AK8: variants seen among roughly 807,000 people sequenced by gnomAD.
AK8 encodes ATP-AMP transphosphorylase 8.
Under a neutral mutation model 54.6 loss-of-function variants are expected in AK8, and 44 were observed. That is an observed-to-expected ratio of 0.81 (90% confidence interval 0.63 to 1.04). The LOEUF is 1.04. Among genes scored for constraint, AK8 ranks in the 50% least tolerant of loss-of-function variants. The probability of loss-of-function intolerance (pLI) is 0.00; values close to 1 mark genes in which losing one functional copy is unlikely to be tolerated. For synonymous variants in AK8, 239 were observed against 245.6 expected (o/e 0.97, Z 0.25); for missense variants, 555 against 613.6 (o/e 0.90, Z 1.01).
chr9:132,850,696 CCA>C (rs1842940139), intron 5 of AK8, among the ~76,000 whole-genome samples: 2 of 152,002 alleles, frequency 1.3e-5, no homozygotes, highest in African/African-American at 4.8e-5. Context: ...CCACGCCCGG[CCA>C]ATTTTTTGTA....
At chr9:132,851,179 C>T (rs1315882617) in intron 5 of AK8, among the ~76,000 whole-genome samples, 1 of 152,198 alleles carries the variant, frequency 6.6e-6, no homozygotes. Context: ...GGAGATACCT[C>T]TGTGGGGTTT....
chr9:132,830,991 T>C (rs985435550), intron 5 of AK8, among the ~76,000 whole-genome samples: 2 of 152,234 alleles, frequency 1.3e-5, no homozygotes, highest in Non-Finnish European at 2.9e-5. Context: ...CTCTGTTTCC[T>C]TATGGCTCAC....
Position 132,826,307 on chromosome 9 carries a change from G to C in AK8, c.757+547C>G, listed in dbSNP as rs1048219817. ...CTCAGCTCAGCCATCCCCGCACCTC[G>C]CACAGGCTGCCCGCAGTGGCTCCCG... On this transcript the variant is annotated intron_variant, in intron 8 of 12. Transcript: ENST00000298545. The surrounding 1 kb of genome is among the most constrained non-coding windows in gnomAD (Gnocchi z 4.5). 1.3e-5 allele frequency among the ~76,000 whole-genome samples: 2 copies of C among 152,136 alleles called. No individual in the cohort carries two copies. Among genetic ancestry groups the C allele is most frequent in the Non-Finnish European group, 2.9e-5 (2 of 68,012 alleles).
At chr9:132,853,783 CAAAAAAA>C (rs71376669) in intron 5 of AK8, among the ~76,000 whole-genome samples, 5 of 42,600 alleles carry the variant, frequency 1.2e-4, no homozygotes, top group East Asian at 1.5e-3. Context: ...GACTCTGCCT[CAAAAAAA>C]AAAAAAAAAA....
intron 11 of AK8, among the ~76,000 whole-genome samples, chr9:132,768,384 C>T (rs1838812075): frequency 6.6e-6 from 1 of 152,038 alleles, no homozygotes; most frequent in African/African-American, 2.4e-5. Flanking sequence ...GCTCCTGCCT[C>T]AGTCTCCCAA....
At chr9:132,752,008 T>A (rs982961789) in intron 11 of AK8, among the ~76,000 whole-genome samples, 2 of 151,494 alleles carry the variant, frequency 1.3e-5, no homozygotes, top group African/African-American at 4.9e-5. Context: ...CTGACTAATT[T>A]TTTTTGTATT....
intron 11 of AK8, among the ~76,000 whole-genome samples, chr9:132,745,811 TACAAGGTGGCC>T (rs1354524299): frequency 1.3e-5 from 2 of 152,098 alleles, no homozygotes; most frequent in Non-Finnish European, 2.9e-5. Context: ...TGTCCATCCG[TACAAGGTGGCC>T]ACCAGGAGCT....
intron 5 of AK8, among the ~76,000 whole-genome samples, chr9:132,841,557 G>A (rs151056258): frequency 6.6e-6 from 1 of 152,258 alleles, no homozygotes; most frequent in East Asian, 1.9e-4. Flanking sequence ...CAAACCTGCC[G>A]AGTCCAGCTG....
chr9:132,833,920 T>C (rs1028973351), intron 5 of AK8, among the ~76,000 whole-genome samples: 4 of 152,248 alleles, frequency 2.6e-5, no homozygotes, highest in Non-Finnish European at 4.4e-5. Context: ...TTTTGATGCG[T>C]TGCCTTTCCG....
intron 11 of AK8, among the ~76,000 whole-genome samples, chr9:132,774,265 G>C (rs1160835036): frequency 6.6e-6 from 1 of 152,122 alleles, no homozygotes; most frequent in Admixed American, 6.5e-5. Flanking sequence ...TGCTCATGGG[G>C]GGGTTGGGGG....
chr9:132,754,426 C>T (rs1192395107), intron 11 of AK8, among the ~76,000 whole-genome samples: 1 of 152,150 alleles, frequency 6.6e-6, no homozygotes. Context: ...GTAACACTGG[C>T]ATTAATCACC....
chr9:132,842,662 G>A (rs541273918), intron 5 of AK8, among the ~76,000 whole-genome samples: 36 of 152,340 alleles, frequency 2.4e-4, no homozygotes, highest in Admixed American at 3.3e-4. Context: ...ATTATCACAT[G>A]GTTTTCAAGG....
intron 10 of AK8, among the ~76,000 whole-genome samples, chr9:132,802,217 C>T (rs1840493152): frequency 6.6e-6 from 1 of 152,202 alleles, no homozygotes; most frequent in Admixed American, 6.5e-5. Context: ...CGTGGTGCAG[C>T]CCATCCTGAA....
chr9:132,805,153 G>A (rs947276894), intron 10 of AK8, among the ~76,000 whole-genome samples: 1 of 152,172 alleles, frequency 6.6e-6, no homozygotes, highest in South Asian at 2.1e-4. Flanking sequence ...GCGCACTGGC[G>A]GTTTGCTCTT....
chr9:132,825,022 A>G (rs935711265), intron 8 of AK8, among the ~76,000 whole-genome samples: 1 of 152,182 alleles, frequency 6.6e-6, no homozygotes, highest in Non-Finnish European at 1.5e-5. Flanking sequence ...CCATTCCTCC[A>G]CTGAGAGAAG....
At chr9:132,871,532 G>A (rs1358226484) in intron 2 of AK8, among the ~76,000 whole-genome samples, 1 of 152,176 alleles carries the variant, frequency 6.6e-6, no homozygotes, top group Non-Finnish European at 1.5e-5. Context: ...GTGGTTCCTG[G>A]GACCCAGTGA....
At chr9:132,753,327 G>C (rs999854672) in intron 11 of AK8, among the ~76,000 whole-genome samples, 38 of 152,256 alleles carry the variant, frequency 2.5e-4, no homozygotes, top group African/African-American at 9.2e-4. Context: ...GGCCCTGCAG[G>C]ATGTGGGCCT....
At chr9:132,856,232 C>G (rs1361504348) in intron 4 of AK8, among the ~76,000 whole-genome samples, 1 of 152,130 alleles carries the variant, frequency 6.6e-6, no homozygotes, top group Non-Finnish European at 1.5e-5. Flanking sequence ...TTGCTGGGGG[C>G]GGGGGCCTCC....
intron 10 of AK8, among the ~76,000 whole-genome samples, chr9:132,795,858 T>C (rs1366134439): frequency 1.3e-5 from 2 of 152,222 alleles, no homozygotes; most frequent in Non-Finnish European, 2.9e-5. Flanking sequence ...GGAGGCCGCA[T>C]TTGGCTGAGA....
Sources: gnomAD v4.1 joint callset for allele counts (sites outside exome capture counted in the v4.1 genomes callset) on GRCh38, gnomAD v4.1.1 for gene constraint, Gnocchi (gnomAD v3.1) non-coding constraint, MANE v1.5 for transcripts, NCBI Gene and HGNC (gene_info 2026-07-23, HGNC 2026-07-21) for gene names.